Variants in PDE3A observed in about 807,000 individuals in gnomAD.
The protein encoded by PDE3A is phosphodiesterase 3A.
Under a neutral mutation model 98.3 loss-of-function variants are expected in PDE3A, and 43 were observed. That is an observed-to-expected ratio of 0.44 (90% CI 0.34 to 0.56). PDE3A has a LOEUF of 0.56. PDE3A is among the 20% of genes least tolerant of loss of function. The pLI, the probability that PDE3A is intolerant of heterozygous loss-of-function variation, is 0.01. For synonymous variants in PDE3A, 663 were observed against 567.9 expected, an observed-to-expected ratio of 1.17 and a Z score of -2.38; for missense variants, 1,427 against 1,440.7, an observed-to-expected ratio of 0.99 and a Z score of 0.15.
intron 1 of PDE3A, among the ~76,000 whole-genome samples, chr12:20,372,244 T>C (rs769205421): frequency 6.6e-6 from 1 of 152,170 alleles, no homozygotes; most frequent in Non-Finnish European, 1.5e-5. Context: ...TGTTGGAAAA[T>C]GCATAATCGC....
At position 20,383,430 on chromosome 12, in the gene PDE3A, G is replaced by A. The variant is rs1327221143; in HGVS notation, c.960+13186G>A. Among the ~76,000 whole-genome samples the A allele has an allele frequency of 3.3e-5, 5 of 151,960 alleles. No homozygotes were observed. The East Asian group carries it at 7.8e-4, about 24-fold the overall frequency. On this transcript the variant is annotated intron_variant, in intron 1 of 15. Transcript: ENST00000359062. ...ACAGCTAAGCCCTGGCTCAGCTGTG[G>A]CCCTCAGTGGAAGGTAGTGAGTGTT...
chr12:20,451,231 AAC>A (rs1309246134), intron 1 of PDE3A, among the ~76,000 whole-genome samples: 1 of 152,178 alleles, frequency 6.6e-6, no homozygotes, highest in East Asian at 1.9e-4. Context: ...TCAGTGTATT[AAC>A]AGTTTTCCTA....
intron 2 of PDE3A, among the ~76,000 whole-genome samples, chr12:20,565,169 G>A (rs1013675714): frequency 6.6e-6 from 1 of 152,006 alleles, no homozygotes; most frequent in African/African-American, 2.4e-5. Flanking sequence ...TATTTTGCAC[G>A]TACGTTCTTG....
intron 15 of PDE3A, among the ~76,000 whole-genome samples, chr12:20,674,984 G>T (rs888344842): frequency 6.6e-6 from 1 of 151,646 alleles, no homozygotes; most frequent in Non-Finnish European, 1.5e-5. Context: ...CTACTTTGTG[G>T]CCTAGTTAGT....
Position 20,552,149 on chromosome 12 carries a change from C to T in PDE3A, c.961-4511C>T. ...CAGAAACTCACCAACACCAACAGGG[C>T]GCTGGCTCTCAACTGCTTTGCTCCC... On this transcript the variant is annotated intron_variant, in intron 1 of 15. Coordinates refer to ENST00000359062, the MANE Select transcript of PDE3A (RefSeq NM_000921.5). This position sits in a 1 kb window ranked among gnomAD's most constrained non-coding sequence, Gnocchi z 5.1. The T allele has an allele frequency of 3.1e-6, 5 of 1,613,660 alleles. No individual in the cohort carries two copies. Among genetic ancestry groups the T allele is most frequent in the South Asian group, 2.2e-5 (2 of 91,046 alleles).
intron 1 of PDE3A, among the ~76,000 whole-genome samples, chr12:20,512,778 T>A (rs773212812): frequency 3.9e-5 from 6 of 152,092 alleles, no homozygotes; most frequent in Non-Finnish European, 8.8e-5. Context: ...CCTATTTCCA[T>A]GAGAGTGATG....
chr12:20,635,728 G>C (rs1944494898), intron 8 of PDE3A, among the ~76,000 whole-genome samples: 1 of 149,506 alleles, frequency 6.7e-6, no homozygotes, highest in Admixed American at 6.7e-5. Context: ...ACACCAGCCT[G>C]GGCAACAGAG....
chr12:20,386,108 T>TAAATAA (rs1565532534), intron 1 of PDE3A, among the ~76,000 whole-genome samples: 1 of 25,842 alleles, frequency 3.9e-5, no homozygotes, highest in Non-Finnish European at 7.5e-5. Context: ...TAAATATATA[T>TAAATAA]ATAAATATAT....
intron 2 of PDE3A, among the ~76,000 whole-genome samples, chr12:20,567,998 G>A (rs12369811): frequency 0.18 from 26,900 of 151,724 alleles, 2,841 homozygotes; most frequent in South Asian, 0.31. Flanking sequence ...GTATTTGTTC[G>A]TTTTTCTTAT....
intron 1 of PDE3A, among the ~76,000 whole-genome samples, chr12:20,478,002 T>G (rs1945558606): frequency 6.6e-6 from 1 of 152,178 alleles, no homozygotes; most frequent in African/African-American, 2.4e-5. Flanking sequence ...TACTCATTCC[T>G]CAAGTAATTA....
chr12:20,643,449 A>G (rs945318670), intron 10 of PDE3A, among the ~76,000 whole-genome samples: 3 of 152,192 alleles, frequency 2.0e-5, no homozygotes, highest in Non-Finnish European at 4.4e-5. Context: ...CACTTGGCAT[A>G]ATACTGAGTA....
intron 1 of PDE3A, among the ~76,000 whole-genome samples, chr12:20,451,137 G>C (rs1945057041): frequency 6.6e-6 from 1 of 152,152 alleles, no homozygotes; most frequent in Non-Finnish European, 1.5e-5. Flanking sequence ...ACTTGCAAAA[G>C]GCTCTGGAAG....
At chr12:20,651,767 A>ATTTG (rs10688428) in intron 14 of PDE3A, among the ~76,000 whole-genome samples, 103,998 of 151,606 alleles carry the variant, frequency 0.69, 35,918 homozygotes, top group East Asian at 0.79. Context: ...AGAATGAAAG[A>ATTTG]TTTTTTTTAT....
intron 1 of PDE3A, among the ~76,000 whole-genome samples, chr12:20,450,629 G>A (rs1945047363): frequency 6.6e-6 from 1 of 152,220 alleles, no homozygotes; most frequent in African/African-American, 2.4e-5. Context: ...TAACATTTGA[G>A]AGAATGCTAT....
chr12:20,684,147 A>G lies in PDE3A; in HGVS notation c.*3876A>G, dbSNP rs1327328517. On this transcript the variant is annotated 3_prime_UTR_variant, in exon 16 of 16. Coordinates refer to ENST00000359062, the MANE Select transcript of PDE3A (RefSeq NM_000921.5). ...TTGTGTGATTATCAAATCCTGATTA[A>G]TGAGAAGTGAATAATCTAAAAATCA... 6.6e-6 allele frequency: 1 copy of G among 152,198 alleles called. No individual in the cohort carries two copies. Among genetic ancestry groups the G allele is most frequent in the African/African-American group, 2.4e-5 (1 of 41,462 alleles). 9.4% of individuals were successfully genotyped at this position (152,198 alleles called of 1,614,324 possible). A position where few individuals can be genotyped will look rare whatever the true frequency, so the allele number is the denominator to read the frequency against.
At chr12:20,555,306 G>A (rs144107865) in intron 1 of PDE3A, among the ~76,000 whole-genome samples, 10 of 152,294 alleles carry the variant, frequency 6.6e-5, no homozygotes, top group Admixed American at 5.2e-4. Context: ...AAGCCACTGC[G>A]CCCCGGCCTC....
chr12:20,552,764 A>T lies in PDE3A; in HGVS notation c.961-3896A>T. 6.2e-7 allele frequency: 1 copy of T among 1,614,040 alleles called. No homozygotes were observed. The highest frequency in any genetic ancestry group is 8.5e-7 in the Non-Finnish European group (1 of 1,179,890). ...CGGCCGGCGAGCGGCAGCCCGTTCC[A>T]GTTGTTCCTGAGTAAAGTGGAGGAG... On this transcript the variant is annotated intron_variant, in intron 1 of 15. Transcript: ENST00000359062. This position sits in a 1 kb window ranked among gnomAD's most constrained non-coding sequence, Gnocchi z 5.1.
At chr12:20,519,921 T>C (rs1411488734) in intron 1 of PDE3A, among the ~76,000 whole-genome samples, 1 of 152,130 alleles carries the variant, frequency 6.6e-6, no homozygotes, top group Non-Finnish European at 1.5e-5. Context: ...AGGGACATCA[T>C]CTCACATCGG....
chr12:20,445,786 A>AT (rs1944943488), intron 1 of PDE3A, among the ~76,000 whole-genome samples: 2 of 152,106 alleles, frequency 1.3e-5, no homozygotes, highest in Non-Finnish European at 2.9e-5. Flanking sequence ...CCCTGTACTC[A>AT]TTTTTTCCTT....
Sources: allele counts gnomAD v4.1 joint callset (sites outside exome capture counted in the v4.1 genomes callset), GRCh38; gene constraint gnomAD v4.1.1; non-coding constraint Gnocchi (gnomAD v3.1); transcripts MANE v1.5; gene names NCBI Gene and HGNC (gene_info 2026-07-23, HGNC 2026-07-21).